Variants in SYNPR observed in about 807,000 individuals in gnomAD.
SYNPR encodes the protein synaptoporin.
Under a neutral mutation model 32.9 loss-of-function variants are expected in SYNPR, and 23 were observed. That is an observed-to-expected ratio of 0.70 (90% CI 0.50 to 0.99). The LOEUF (loss-of-function observed/expected upper bound fraction) is 0.99. Ranked by LOEUF, SYNPR falls within the 50% of genes least tolerant of loss-of-function variation. The pLI is 0.00. For synonymous variants in SYNPR, 146 were observed against 135.9 expected (o/e 1.07, Z -0.52); for missense variants, 318 against 349.3 (o/e 0.91, Z 0.71).
At chr3:63,353,270 T>A (rs2087534084) in intron 2 of SYNPR, among the ~76,000 whole-genome samples, 1 of 152,188 alleles carries the variant, frequency 6.6e-6, no homozygotes, top group Admixed American at 6.5e-5. Flanking sequence ...GTTACAGGAA[T>A]TCAGAGGAGT....
chr3:63,318,161 G>C (rs62253884), intron 2 of SYNPR, among the ~76,000 whole-genome samples: 46,839 of 151,812 alleles, frequency 0.31, 7,980 homozygotes, highest in Non-Finnish European at 0.39. Context: ...AGGTTACCTG[G>C]TGCTTCTGTC....
At chr3:63,342,268 G>A (rs1460079086) in intron 2 of SYNPR, among the ~76,000 whole-genome samples, 1 of 152,066 alleles carries the variant, frequency 6.6e-6, no homozygotes, top group African/African-American at 2.4e-5. Flanking sequence ...TGTAGATATT[G>A]TTTGTCATGT....
At chr3:63,526,834 T>C (rs1702022125) in intron 3 of SYNPR, among the ~76,000 whole-genome samples, 1 of 152,218 alleles carries the variant, frequency 6.6e-6, no homozygotes. Context: ...ATCAGGATGC[T>C]GGCTGAGGTA....
intron 3 of SYNPR, among the ~76,000 whole-genome samples, chr3:63,518,480 T>C (rs1352429150): frequency 6.6e-6 from 1 of 152,172 alleles, no homozygotes; most frequent in African/African-American, 2.4e-5. Flanking sequence ...CATTCAATGA[T>C]GCTTGAGTGA....
chr3:63,273,625 T>C (rs376685109), upstream of SYNPR, among the ~76,000 whole-genome samples: 137 of 152,266 alleles, frequency 9.0e-4, no homozygotes, highest in African/African-American at 2.9e-3. Context: ...GAAACAAATA[T>C]GGAAACAGAA....
intron 2 of SYNPR, among the ~76,000 whole-genome samples, chr3:63,416,531 TA>T (rs60383627): frequency 0.27 from 27,864 of 105,000 alleles, 3,117 homozygotes; most frequent in East Asian, 0.53. Flanking sequence ...GACTCTGTCT[TA>T]AAAAAAAAAA....
At chr3:63,469,364 C>A (rs771522391) in intron 2 of SYNPR, among the ~76,000 whole-genome samples, 2 of 152,034 alleles carry the variant, frequency 1.3e-5, no homozygotes, top group African/African-American at 4.8e-5. Context: ...GCTCATCATG[C>A]TCTAATTTTT....
At chr3:63,390,578 C>G (rs58424366) in intron 2 of SYNPR, among the ~76,000 whole-genome samples, 16,840 of 152,252 alleles carry the variant, frequency 0.11, 1,387 homozygotes, top group East Asian at 0.43. Context: ...ATCTTATGGT[C>G]AGACAGACCT....
At chr3:63,565,500 T>C (rs1482700624) in intron 4 of SYNPR, among the ~76,000 whole-genome samples, 1 of 152,128 alleles carries the variant, frequency 6.6e-6, no homozygotes, top group Non-Finnish European at 1.5e-5. Context: ...GAGCAGAACA[T>C]GTGGGAAGCC....
intron 4 of SYNPR, among the ~76,000 whole-genome samples, chr3:63,603,418 T>C (rs1358487210): frequency 2.0e-5 from 3 of 152,150 alleles, no homozygotes; most frequent in East Asian, 1.9e-4. Flanking sequence ...TCCTGTCTTG[T>C]TCTGGTTTTC....
rs895669911 is a variant in SYNPR at position 63,616,395 on chromosome 3, T to C, written c.*914T>C. On this transcript the variant is annotated 3_prime_UTR_variant, in exon 6 of 6. Transcript: ENST00000478300. ...TCTTAGAATAATGGAGATGCAGATA[T>C]AGATACCATAGTCAAGGTACCGCCT... 1 of 152,344 alleles carries C rather than the reference T, an allele frequency of 6.6e-6. No homozygotes were observed. The highest frequency in any genetic ancestry group is 1.5e-5 in the Non-Finnish European group (1 of 68,046). The allele number at this position is 152,344 out of a possible 1,614,324, so 9.4% of individuals were successfully genotyped here.
intron 2 of SYNPR, among the ~76,000 whole-genome samples, chr3:63,306,251 C>T (rs1286137243): frequency 2.0e-5 from 3 of 151,920 alleles, no homozygotes; most frequent in Admixed American, 2.0e-4. Flanking sequence ...GTTCAGGTAC[C>T]AGCTGACTGC....
intron 2 of SYNPR, among the ~76,000 whole-genome samples, chr3:63,413,118 G>A (rs1313356652): frequency 6.6e-6 from 1 of 152,080 alleles, no homozygotes; most frequent in Admixed American, 6.5e-5. Flanking sequence ...ATTAGATAAC[G>A]ATCAAAAAAT....
intron 3 of SYNPR, among the ~76,000 whole-genome samples, chr3:63,544,698 A>T (rs1702369472): frequency 1.3e-5 from 2 of 152,128 alleles, no homozygotes; most frequent in Non-Finnish European, 2.9e-5. Context: ...CCAGTTCTTT[A>T]AAATCTACTT....
chr3:63,578,940 G>C (rs950107139), intron 4 of SYNPR, among the ~76,000 whole-genome samples: 5 of 151,898 alleles, frequency 3.3e-5, no homozygotes, highest in African/African-American at 1.2e-4. Flanking sequence ...CAGAAACCTG[G>C]GTGTTTCCTA....
At chr3:63,564,495 GGTGT>G (rs34157684) in intron 4 of SYNPR, among the ~76,000 whole-genome samples, 5 of 149,870 alleles carry the variant, frequency 3.3e-5, no homozygotes, top group Admixed American at 6.6e-5. Flanking sequence ...GTGCCCAGCC[GGTGT>G]GTGTGTGTGT....
intron 2 of SYNPR, among the ~76,000 whole-genome samples, chr3:63,303,556 ACAGACT>A (rs1358168922): frequency 6.6e-6 from 1 of 152,082 alleles, no homozygotes; most frequent in Non-Finnish European, 1.5e-5. Context: ...ATGGGGTCAG[ACAGACT>A]CACATTCAAG....
At chr3:63,267,721 C>T (rs1309187612) in intron 3 of SYNPR, among the ~76,000 whole-genome samples, 1 of 152,170 alleles carries the variant, frequency 6.6e-6, no homozygotes, top group Non-Finnish European at 1.5e-5. Context: ...GAAGATTTAA[C>T]TTTCAATCAG....
intron 2 of SYNPR, among the ~76,000 whole-genome samples, chr3:63,392,947 A>ATTATGATTC (rs1394377280): frequency 2.8e-4 from 43 of 152,270 alleles, no homozygotes; most frequent in African/African-American, 1.0e-3. Context: ...CTAGTAGTGT[A>ATTATGATTC]TTATGATTCT....
Sources: gnomAD v4.1 joint callset for allele counts (sites outside exome capture counted in the v4.1 genomes callset) on GRCh38, gnomAD v4.1.1 for gene constraint, MANE v1.5 for transcripts, NCBI Gene and HGNC (gene_info 2026-07-23, HGNC 2026-07-21) for gene names.